PMS1: variants seen among roughly 807,000 people sequenced by gnomAD.
PMS1 encodes PMS1 protein homolog 1.
A neutral mutation model predicts 93.1 loss-of-function variants in PMS1; 79 were observed. The observed-to-expected ratio is 0.85, with a 90% CI of 0.71 to 1.02. The LOEUF is 1.02. PMS1 is among the 50% of genes least tolerant of loss of function. The pLI is 0.00. For missense variants in PMS1, 1,064 were observed against 1,085.3 expected (o/e 0.98, Z 0.28); for synonymous variants, 335 against 363.4 (o/e 0.92, Z 0.89).
At chr2:189,836,255 T>A (rs1007696291) in intron 5 of PMS1, among the ~76,000 whole-genome samples, 3 of 152,224 alleles carry the variant, frequency 2.0e-5, no homozygotes, top group Non-Finnish European at 4.4e-5. Context: ...AGGGGCAAGA[T>A]ATATTTGGCT....
intron 11 of PMS1, among the ~76,000 whole-genome samples, chr2:189,873,219 G>T (rs2057297745): frequency 6.6e-6 from 1 of 152,142 alleles, no homozygotes; most frequent in Non-Finnish European, 1.5e-5. Flanking sequence ...TCTCTCCAAA[G>T]CAAGAAATGA....
chr2:189,816,346 T>C (rs962781702), intron 4 of PMS1, among the ~76,000 whole-genome samples: 69 of 152,158 alleles, frequency 4.5e-4, no homozygotes, highest in African/African-American at 1.6e-3. Flanking sequence ...TGTCAATTTC[T>C]TAATTTCTTC....
At chr2:189,869,997 C>T (rs562122738) in intron 11 of PMS1, among the ~76,000 whole-genome samples, 3 of 151,958 alleles carry the variant, frequency 2.0e-5, no homozygotes, top group Non-Finnish European at 4.4e-5. Flanking sequence ...TATTGAATGC[C>T]TAATACTTTC....
Position 189,854,256 on chromosome 2 carries a change from T to A in PMS1, c.984T>A (p.Ala328=), listed in dbSNP as rs1357389895. Residue 328 remains alanine, a synonymous_variant, in exon 9 of 13, where the codon GCT becomes GCA. Coordinates refer to ENST00000441310, the MANE Select transcript of PMS1 (RefSeq NM_000534.5). ...LLQNKESVLI[A]LENLMTTCYG... ...ATTTTTAGGAATCTGTTTTAATTGC[T>A]CTTGAAAATCTGATGACGACTTGTT... is the stretch of plus-strand genomic sequence containing the variant. 1 of 1,592,962 alleles carries A rather than the reference T, an allele frequency of 6.3e-7. No homozygotes were observed. Among genetic ancestry groups the A allele is most frequent in the Non-Finnish European group, 8.5e-7 (1 of 1,170,122 alleles).
intron 1 of PMS1, among the ~76,000 whole-genome samples, chr2:189,790,852 G>A (rs539603252): frequency 5.9e-5 from 9 of 152,282 alleles, no homozygotes; most frequent in African/African-American, 1.9e-4. Flanking sequence ...TTTAGGAGTT[G>A]ATTAGATTTG....
chr2:189,858,446 T>A (rs1430468236), intron 9 of PMS1, among the ~76,000 whole-genome samples: 1 of 152,176 alleles, frequency 6.6e-6, no homozygotes, highest in Non-Finnish European at 1.5e-5. Flanking sequence ...GGATTAATAT[T>A]TTCCATTCAA....
chr2:189,835,543 T>C (rs529977419), intron 5 of PMS1, among the ~76,000 whole-genome samples: 15 of 152,218 alleles, frequency 9.9e-5, no homozygotes, highest in Middle Eastern at 3.4e-3. Context: ...GGAGTCAGAG[T>C]CAGTGCAAGT....
intron 5 of PMS1, among the ~76,000 whole-genome samples, chr2:189,819,810 C>T (rs977465064): frequency 2.0e-5 from 3 of 152,132 alleles, no homozygotes; most frequent in African/African-American, 7.2e-5. Flanking sequence ...TCCTATTCTG[C>T]AGGCTGTCTG....
At chr2:189,861,340 A>G (rs1029622048) in intron 9 of PMS1, among the ~76,000 whole-genome samples, 1 of 151,230 alleles carries the variant, frequency 6.6e-6, no homozygotes, top group African/African-American at 2.4e-5. Flanking sequence ...GTGCACATAT[A>G]CTGGCAACTA....
chr2:189,855,739 CTT>C (rs1302502073), intron 9 of PMS1: 1 of 228,384 alleles, frequency 4.4e-6, no homozygotes, highest in Non-Finnish European at 9.3e-6. Context: ...TTTGATCTGT[CTT>C]TGATTAAAAT....
chr2:189,832,354 T>C (rs1468674174), intron 5 of PMS1, among the ~76,000 whole-genome samples: 14 of 152,208 alleles, frequency 9.2e-5, no homozygotes, highest in Non-Finnish European at 5.9e-5. Context: ...TACAAAGCAA[T>C]AGCAGCTTGA....
Position 189,805,636 on chromosome 2 carries a change from T to G in PMS1, c.316-16T>G, listed in dbSNP as rs2050267751. 1 of 1,593,588 alleles carries G rather than the reference T, an allele frequency of 6.3e-7. No individual in the cohort carries two copies. The highest frequency in any genetic ancestry group is 8.6e-7 in the Non-Finnish European group (1 of 1,161,574). ...TATCTAAAGTGTTAGTTTTATTAGATGTTTTTTTCCCCCAGGTTTTAATTA... is the reference window on the plus strand; with the variant it reads ...TATCTAAAGTGTTAGTTTTATTAGAGGTTTTTTTCCCCCAGGTTTTAATTA... On this transcript the variant is annotated splice_polypyrimidine_tract_variant and intron_variant, in intron 3 of 12. Coordinates refer to ENST00000441310, the MANE Select transcript of PMS1 (RefSeq NM_000534.5).
At chr2:189,842,439 G>T (rs1009361375) in intron 5 of PMS1, among the ~76,000 whole-genome samples, 6 of 152,074 alleles carry the variant, frequency 3.9e-5, no homozygotes, top group African/African-American at 1.4e-4. Context: ...TTTCTCAAGG[G>T]ATTTGACTGT....
At chr2:189,877,027 T>C (rs2057632918) in intron 12 of PMS1, among the ~76,000 whole-genome samples, 1 of 152,212 alleles carries the variant, frequency 6.6e-6, no homozygotes, top group African/African-American at 2.4e-5. Context: ...TTGACTAAAA[T>C]GTTCTGTCTT....
At chr2:189,796,206 A>G (rs1175013033) in intron 3 of PMS1, among the ~76,000 whole-genome samples, 2 of 152,058 alleles carry the variant, frequency 1.3e-5, no homozygotes, top group African/African-American at 2.4e-5. Context: ...TAAAAATACA[A>G]AATTAGCTGG....
At chr2:189,840,985 C>G (rs2053775601) in intron 5 of PMS1, among the ~76,000 whole-genome samples, 1 of 152,162 alleles carries the variant, frequency 6.6e-6, no homozygotes, top group South Asian at 2.1e-4. Flanking sequence ...ATGAAAAATG[C>G]ATTTGTCAGT....
intron 1 of PMS1, chr2:189,785,366 T>G (rs2048205445): frequency 6.6e-6 from 1 of 152,360 alleles, no homozygotes; most frequent in African/African-American, 2.4e-5. Context: ...TGTCCTTAAC[T>G]GACTTTCCGG....
intron 3 of PMS1, among the ~76,000 whole-genome samples, chr2:189,797,621 G>C (rs757022950): frequency 6.6e-6 from 1 of 152,146 alleles, no homozygotes; most frequent in African/African-American, 2.4e-5. Flanking sequence ...TTTGTGCTTA[G>C]GCTGGCAGAC....
intron 4 of PMS1, among the ~76,000 whole-genome samples, chr2:189,816,726 T>C (rs550342926): frequency 2.6e-5 from 4 of 152,308 alleles, no homozygotes; most frequent in East Asian, 1.9e-4. Context: ...CAAAGTCTTA[T>C]ACGTTCCTTA....
Sources: allele counts gnomAD v4.1 joint callset (sites outside exome capture counted in the v4.1 genomes callset), GRCh38; gene constraint gnomAD v4.1.1; transcripts MANE v1.5; gene names NCBI Gene and HGNC (gene_info 2026-07-23, HGNC 2026-07-21).